The following USP32 variants were observed in gnomAD, a reference collection of about 807,000 sequenced individuals.
USP32 encodes ubiquitin specific peptidase 32.
USP32 carries 59 observed loss-of-function variants against 204.8 expected under a neutral mutation model. That is an observed-to-expected ratio of 0.29 (90% CI 0.23 to 0.36). The LOEUF (loss-of-function observed/expected upper bound fraction) is 0.36, where lower values mean the gene tolerates loss of function less well. USP32 is among the 10% of genes least tolerant of loss of function. The probability of loss-of-function intolerance (pLI) is 1.00; values close to 1 mark genes in which losing one functional copy is unlikely to be tolerated. For synonymous variants in USP32, 517 were observed against 678.4 expected (o/e 0.76, Z 3.70); for missense variants, 1,160 against 1,946.4 (o/e 0.60, Z 7.60).
chr17:60,299,693 G>A (rs2087525275), intron 3 of USP32, among the ~76,000 whole-genome samples: 1 of 152,192 alleles, frequency 6.6e-6, no homozygotes. Context: ...AGAATAGGAG[G>A]GGATTCTGAG....
chr17:60,416,402 G>A (rs2090062484), intron 1 of USP32, among the ~76,000 whole-genome samples: 1 of 152,082 alleles, frequency 6.6e-6, no homozygotes, highest in South Asian at 2.1e-4. Context: ...CCATCAAAGA[G>A]CATGCCAACC....
intron 6 of USP32, among the ~76,000 whole-genome samples, chr17:60,271,088 C>T (rs1341744667): frequency 1.3e-5 from 2 of 152,178 alleles, no homozygotes; most frequent in Non-Finnish European, 2.9e-5. Flanking sequence ...CACAGTATCA[C>T]AACCACTGCC....
chr17:60,198,756 A>G (rs991676797), intron 26 of USP32, among the ~76,000 whole-genome samples: 4 of 152,264 alleles, frequency 2.6e-5, no homozygotes, highest in African/African-American at 9.6e-5. Flanking sequence ...CTCACATGTA[A>G]AAACTAGTAA....
chr17:60,402,272 A>G (rs2089942298), intron 1 of USP32, among the ~76,000 whole-genome samples: 1 of 133,696 alleles, frequency 7.5e-6, no homozygotes, highest in African/African-American at 3.0e-5. Context: ...TTTTTTTAAT[A>G]CAGAGTCTCA....
At chr17:60,192,570 G>A (rs1215818847) in intron 28 of USP32, among the ~76,000 whole-genome samples, 1 of 152,070 alleles carries the variant, frequency 6.6e-6, no homozygotes, top group South Asian at 2.1e-4. Context: ...AAGTAGCTGG[G>A]ATTACAGGCA....
intron 5 of USP32, among the ~76,000 whole-genome samples, chr17:60,272,955 G>A (rs143173285): frequency 0.012 from 1,797 of 152,244 alleles, 37 homozygotes; most frequent in African/African-American, 0.041. Context: ...ATGTACAAAT[G>A]CCGGGAAATT....
intron 31 of USP32, 82 bp downstream of exon 31, chr17:60,183,083 T>G: frequency 6.7e-7 from 1 of 1,492,280 alleles, no homozygotes; most frequent in Non-Finnish European, 8.9e-7. Context: ...ACCAACCTGA[T>G]GTTCCAGAAC....
intron 14 of USP32, among the ~76,000 whole-genome samples, chr17:60,222,845 C>T (rs934163402): frequency 2.0e-5 from 3 of 151,854 alleles, no homozygotes; most frequent in East Asian, 3.9e-4. Context: ...CCATGCCCGG[C>T]TAATTTTTGT....
At chr17:60,421,369 C>G (rs1345523612) in intron 1 of USP32, 1 of 985,388 alleles carries the variant, frequency 1.0e-6, no homozygotes. Context: ...CGGGCTACCC[C>G]TACTTGAAGC....
At chr17:60,205,260 C>A (rs2084793648) in intron 26 of USP32, among the ~76,000 whole-genome samples, 187 bp downstream of exon 26, 1 of 152,046 alleles carries the variant, frequency 6.6e-6, no homozygotes, top group African/African-American at 2.4e-5. Context: ...AAAATGCATT[C>A]ACAGCAACAG....
At chr17:60,347,022 G>A (rs1332977030) in intron 1 of USP32, among the ~76,000 whole-genome samples, 2 of 152,120 alleles carry the variant, frequency 1.3e-5, no homozygotes, top group Admixed American at 6.6e-5. Context: ...AAAAAACACA[G>A]TGAGATATAA....
At chr17:60,385,548 A>G (rs1299656067) in intron 1 of USP32, among the ~76,000 whole-genome samples, 1 of 151,732 alleles carries the variant, frequency 6.6e-6, no homozygotes, top group Non-Finnish European at 1.5e-5. Flanking sequence ...CTGTCTCAAA[A>G]ATAAATAAAT....
chr17:60,183,384 G>A lies in USP32; in HGVS notation c.3904C>T (p.Pro1302Ser). 1 of 1,613,458 alleles carries A rather than the reference G, an allele frequency of 6.2e-7. No homozygotes were observed. Among genetic ancestry groups the A allele is most frequent in the Non-Finnish European group, 8.5e-7 (1 of 1,179,644 alleles). Residue 1302 changes from proline to serine, a missense_variant, in exon 31 of 34, where the codon CCT (proline) becomes TCT (serine). Around this residue, in one of 8 missense-constraint regions of USP32, gnomAD observed 160 missense variants for 322.5 expected, o/e 0.50. Transcript: ENST00000300896. ...GCACTTGGATCAAAACTTTCCCGAGGAAATTTGACAATTTTCTGTGATTTT... is the reference window on the plus strand; with the variant it reads ...GCACTTGGATCAAAACTTTCCCGAGAAAATTTGACAATTTTCTGTGATTTT... ...WIKSQKIVKF[P>S]RESFDPSAFL...
At chr17:60,267,034 C>A (rs903182522) in intron 7 of USP32, among the ~76,000 whole-genome samples, 2 of 151,702 alleles carry the variant, frequency 1.3e-5, no homozygotes, top group Non-Finnish European at 2.9e-5. Flanking sequence ...AGTGATCCAC[C>A]GGCCTTGGCC....
At chr17:60,345,926 G>A (rs2088775934) in intron 1 of USP32, among the ~76,000 whole-genome samples, 1 of 151,940 alleles carries the variant, frequency 6.6e-6, no homozygotes, top group Non-Finnish European at 1.5e-5. Context: ...AGGTTGCACT[G>A]AGCCAAGACC....
intron 5 of USP32, among the ~76,000 whole-genome samples, chr17:60,283,915 A>G (rs992790562): frequency 2.6e-5 from 4 of 152,212 alleles, no homozygotes; most frequent in African/African-American, 9.6e-5. Flanking sequence ...AGAACAAACT[A>G]GAGCGAAGGG....
chr17:60,212,307 C>T (rs1045769789), intron 18 of USP32, among the ~76,000 whole-genome samples: 2 of 152,116 alleles, frequency 1.3e-5, no homozygotes, highest in African/African-American at 4.8e-5. Context: ...ACAGAGTGTA[C>T]CTACACAAAC....
At chr17:60,199,749 T>C (rs1407005747) in intron 26 of USP32, among the ~76,000 whole-genome samples, 3 of 152,068 alleles carry the variant, frequency 2.0e-5, no homozygotes, top group Admixed American at 2.0e-4. Context: ...CCAGACAGAG[T>C]TCAGTACAAA....
At chr17:60,190,060 T>C (rs1432103327) in intron 29 of USP32, among the ~76,000 whole-genome samples, 2 of 152,200 alleles carry the variant, frequency 1.3e-5, no homozygotes, top group Non-Finnish European at 2.9e-5. Context: ...GTGAAACTCT[T>C]GTAAATGGTT....
Sources: allele counts gnomAD v4.1 joint callset (sites outside exome capture counted in the v4.1 genomes callset), GRCh38; gene constraint gnomAD v4.1.1; regional missense constraint gnomAD v4.1.1; transcripts MANE v1.5; gene names NCBI Gene and HGNC (gene_info 2026-07-23, HGNC 2026-07-21).